The following CAB39L variants were observed in gnomAD, a reference collection of about 807,000 sequenced individuals.
The protein encoded by CAB39L is calcium binding protein 39 like, also known as calcium-binding protein 39-like.
CAB39L carries 23 observed loss-of-function variants against 39.1 expected under a neutral mutation model. The observed-to-expected ratio is 0.59, with a 90% CI of 0.42 to 0.83. The LOEUF is 0.83. Among genes scored for constraint, CAB39L ranks in the 40% least tolerant of loss-of-function variants. CAB39L has a pLI of 0.00. For synonymous variants in CAB39L, 126 were observed against 137.2 expected (o/e 0.92, Z 0.57); for missense variants, 366 against 391.9 (o/e 0.93, Z 0.56).
intron 3 of CAB39L, among the ~76,000 whole-genome samples, chr13:49,390,566 G>A (rs745637594): frequency 6.6e-6 from 1 of 152,134 alleles, no homozygotes; most frequent in Non-Finnish European, 1.5e-5. Context: ...AAAATAAATA[G>A]AGCAAACCCT....
In CAB39L at chr13:49,346,095, TGCTAG is replaced by T. The variant is rs1393501965; in HGVS notation, c.565-1862_565-1858del. On this transcript the variant is annotated intron_variant, in intron 7 of 10. Transcript: ENST00000409308. The stretch of plus-strand genomic sequence containing the variant: ...TGCTAGATATATATATATATATATA[TGCTAG>T]ATATATATATATATATATATATATC... Among the ~76,000 whole-genome samples the T allele has an allele frequency of 5.1e-4, 7 of 13,624 alleles. No homozygotes were observed. The East Asian group carries it at 0.013, about 26-fold the overall frequency. 8.9% of individuals were successfully genotyped at this position (13,624 alleles called of 152,430 possible). A position where few individuals can be genotyped will look rare whatever the true frequency, so the allele number is the denominator to read the frequency against.
chr13:49,397,038 A>G (rs989055464), intron 3 of CAB39L, among the ~76,000 whole-genome samples: 11 of 152,206 alleles, frequency 7.2e-5, no homozygotes, highest in South Asian at 6.2e-4. Flanking sequence ...CTTCACAGAG[A>G]TGGTTAAGTT....
At chr13:49,315,890 A>G (rs1338040709) in intron 10 of CAB39L, among the ~76,000 whole-genome samples, 1 of 151,400 alleles carries the variant, frequency 6.6e-6, no homozygotes, top group East Asian at 1.9e-4. Context: ...ATCTCAAAAA[A>G]AAAAAAAAAG....
intron 5 of CAB39L, among the ~76,000 whole-genome samples, chr13:49,366,414 G>A (rs1037690924): frequency 2.6e-5 from 4 of 150,996 alleles, no homozygotes; most frequent in African/African-American, 4.9e-5. Context: ...CTCTCACGAG[G>A]TCAGGAGTTT....
intron 5 of CAB39L, among the ~76,000 whole-genome samples, chr13:49,364,130 T>C (rs1277182398): frequency 6.6e-6 from 1 of 152,198 alleles, no homozygotes; most frequent in Non-Finnish European, 1.5e-5. Flanking sequence ...TTAACAATTG[T>C]AAATATATAT....
In CAB39L at chr13:49,350,795, G is replaced by A. The variant is rs201121466; in HGVS notation, c.513C>T (p.Tyr171=). ...FSNQFRDFFK[Y]VELSTFDIAS... ...CAATATCAAATGTTGACAACTCCAC[G>A]TACTTAAAGAAATCTCTGAATTGAT... The change falls in exon 7 of 11, where the codon TAC becomes TAT. Residue 171 remains tyrosine, a synonymous_variant. Transcript: ENST00000409308. The A allele has an allele frequency of 4.8e-5, 77 of 1,603,482 alleles. No individual in the cohort carries two copies. The highest frequency in any genetic ancestry group is 6.1e-5 in the Non-Finnish European group (72 of 1,175,442).
chr13:49,332,218 G>A (rs1954722246), intron 9 of CAB39L, 128 bp from the exon 10 acceptor site: 4 of 1,038,564 alleles, frequency 3.9e-6, no homozygotes, highest in Non-Finnish European at 5.5e-6. Flanking sequence ...AAATTAGAGT[G>A]TCCTTAAGTG....
At chr13:49,406,507 C>T (rs1296787830) in intron 3 of CAB39L, among the ~76,000 whole-genome samples, 3 of 151,558 alleles carry the variant, frequency 2.0e-5, no homozygotes, top group African/African-American at 7.3e-5. Context: ...AAAAAATTGA[C>T]GAATAGTTGA....
Position 49,379,295 on chromosome 13 carries a change from C to T in CAB39L, c.112-2164G>A, listed in dbSNP as rs1197258177. Among the ~76,000 whole-genome samples, 3 of 27,608 alleles carry T rather than the reference C, an allele frequency of 1.1e-4. 1 individual carries two copies. Among genetic ancestry groups the T allele is most frequent in the East Asian group, 8.2e-4 (2 of 2,440 alleles). The allele number at this position is 27,608 out of a possible 152,430, so 18.1% of individuals were successfully genotyped here. A position where few individuals can be genotyped will look rare whatever the true frequency, so the allele number is the denominator to read the frequency against. ...AAAAGATTGAGAAATCGGATGGTTG[C>T]CGTGTCTGTGTAGAAAGAAGTAGAC... On this transcript the variant is annotated intron_variant, in intron 4 of 10. Coordinates refer to ENST00000409308, the MANE Select transcript of CAB39L (RefSeq NM_001079670.3).
chr13:49,314,304 C>A (rs1411121943), intron 10 of CAB39L, among the ~76,000 whole-genome samples: 1 of 152,108 alleles, frequency 6.6e-6, no homozygotes. Context: ...ATAAAAGGAC[C>A]TCTGCCTGTC....
chr13:49,377,156 G>A (rs781007524), intron 4 of CAB39L, 25 bp from the exon 5 acceptor site: 30 of 1,591,884 alleles, frequency 1.9e-5, no homozygotes, highest in East Asian at 1.8e-4. Flanking sequence ...GTATGCTAAC[G>A]GTTAAAAGAA....
chr13:49,388,902 G>T (rs1031812476), intron 3 of CAB39L, among the ~76,000 whole-genome samples: 3 of 152,128 alleles, frequency 2.0e-5, no homozygotes, highest in Non-Finnish European at 4.4e-5. Context: ...TTTGGTCCGG[G>T]TTTCTTCTGG....
At chr13:49,311,047 G>T in intron 10 of CAB39L, 54 bp from the exon 11 acceptor site, 2 of 1,535,938 alleles carry the variant, frequency 1.3e-6, no homozygotes, top group Non-Finnish European at 1.8e-6. Context: ...CCTCACCCAC[G>T]CTACAGCAGT....
chr13:49,321,818 C>G (rs1467240056), intron 10 of CAB39L, among the ~76,000 whole-genome samples: 1 of 152,138 alleles, frequency 6.6e-6, no homozygotes, highest in Non-Finnish European at 1.5e-5. Flanking sequence ...TTTAATGTTG[C>G]CTTTAGACAG....
In CAB39L at chr13:49,370,217, T is replaced by C. The variant is rs965126623; in HGVS notation, c.276+6750A>G. Reference sequence around the variant, plus strand: ...TAATTTATAGATATTGGGAAAGATATAGGGAATGAAACTACAAGCTAGCTC... The same window carrying C: ...TAATTTATAGATATTGGGAAAGATACAGGGAATGAAACTACAAGCTAGCTC... On this transcript the variant is annotated intron_variant, in intron 5 of 10. Coordinates refer to ENST00000409308, the MANE Select transcript of CAB39L (RefSeq NM_001079670.3). 8.5e-5 allele frequency among the ~76,000 whole-genome samples: 13 copies of C among 152,216 alleles called. No homozygotes were observed. The East Asian group carries it at 2.1e-3, about 25-fold the overall frequency.
chr13:49,327,132 T>G (rs1954526889), intron 10 of CAB39L, among the ~76,000 whole-genome samples: 1 of 151,682 alleles, frequency 6.6e-6, no homozygotes, highest in Admixed American at 6.6e-5. Flanking sequence ...TCTATCAAAA[T>G]CTAATATCTT....
chr13:49,413,212 C>T (rs1957026790), intron 3 of CAB39L, among the ~76,000 whole-genome samples: 1 of 151,906 alleles, frequency 6.6e-6, no homozygotes, highest in Non-Finnish European at 1.5e-5. Flanking sequence ...AAGAAATATG[C>T]AAGGGACCAA....
chr13:49,423,698 G>A (rs1308593545), intron 3 of CAB39L, among the ~76,000 whole-genome samples: 4 of 152,074 alleles, frequency 2.6e-5, no homozygotes, highest in Non-Finnish European at 4.4e-5. Flanking sequence ...TCCCATACAC[G>A]ACAACCTTAT....
At chr13:49,432,534 T>C (rs1008365279) in intron 3 of CAB39L, among the ~76,000 whole-genome samples, 3 of 152,202 alleles carry the variant, frequency 2.0e-5, no homozygotes, top group African/African-American at 4.8e-5. Flanking sequence ...TTGCTCTTGG[T>C]GTTTTGATGT....
Sources: gnomAD v4.1 joint callset for allele counts (sites outside exome capture counted in the v4.1 genomes callset) on GRCh38, gnomAD v4.1.1 for gene constraint, MANE v1.5 for transcripts, NCBI Gene and HGNC (gene_info 2026-07-23, HGNC 2026-07-21) for gene names.